The following TTYH3 variants were observed in gnomAD, a reference collection of about 807,000 sequenced individuals.
TTYH3 encodes protein tweety homolog 3.
Under a neutral mutation model 68.2 loss-of-function variants are expected in TTYH3, and 23 were observed. That is an observed-to-expected ratio of 0.34 (90% CI 0.24 to 0.48). TTYH3 has a LOEUF of 0.48. Among genes scored for constraint, TTYH3 ranks in the 20% least tolerant of loss-of-function variants. TTYH3 has a pLI of 0.99. For synonymous variants in TTYH3, 360 were observed against 332.8 expected, an observed-to-expected ratio of 1.08 and a Z score of -0.89; for missense variants, 768 against 727.7, an observed-to-expected ratio of 1.06 and a Z score of -0.64.
chr7:2,647,015 G>T lies in TTYH3; in HGVS notation c.286G>T (p.Val96Leu). 1 of 1,568,784 alleles carries T rather than the reference G, an allele frequency of 6.4e-7. No individual in the cohort carries two copies. Residue 96 changes from valine to leucine, a missense_variant, in exon 2 of 14, where the codon GTG becomes TTG. Physicochemically the swap from Val to Leu is conservative, Grantham distance 32. Coordinates refer to ENST00000258796, the MANE Select transcript of TTYH3 (RefSeq NM_025250.3). The part of the protein sequence containing the change: ...TAWCVIIATL[V>L]CSAGIAVGFY... ...CTGGTGTGTCATCATCGCCACGCTG[G>T]TGTGCAGGTGAGCGCGGTGGGGCGG...
At chr7:2,633,563 C>A (rs916849647) in intron 1 of TTYH3, among the ~76,000 whole-genome samples, 2 of 152,204 alleles carry the variant, frequency 1.3e-5, no homozygotes, top group African/African-American at 4.8e-5. Flanking sequence ...CTCACGCCTG[C>A]GTTCTAGAAG....
In TTYH3 at chr7:2,649,968, A is replaced by G; in HGVS notation, c.851A>G (p.Glu284Gly). The G allele has an allele frequency of 6.2e-7, 1 of 1,613,890 alleles. No individual in the cohort carries two copies. The highest frequency in any genetic ancestry group is 8.5e-7 in the Non-Finnish European group (1 of 1,179,948). Residue 284 changes from glutamate to glycine, a missense_variant, in exon 7 of 14, where the codon GAG becomes GGG. Glu to Gly is a moderately conservative substitution (Grantham distance 98). Coordinates refer to ENST00000258796, the MANE Select transcript of TTYH3 (RefSeq NM_025250.3). The stretch of plus-strand genomic sequence containing the variant: ...GCCTACGTGACCAAAATGGTGGAGG[A>G]GTACTCGGTGCTGAGTGGGGGTGAG... ...PDAYVTKMVE[E>G]YSVLSGDILQ...
intron 1 of TTYH3, among the ~76,000 whole-genome samples, chr7:2,642,912 A>G (rs1785886513): frequency 6.6e-6 from 1 of 151,706 alleles, no homozygotes; most frequent in Non-Finnish European, 1.5e-5. Flanking sequence ...AAAATACAAA[A>G]TTAGCCAGGC....
At chr7:2,655,632 C>T (rs980368942) in intron 9 of TTYH3, among the ~76,000 whole-genome samples, 5 of 152,260 alleles carry the variant, frequency 3.3e-5, no homozygotes, top group African/African-American at 9.6e-5. Context: ...CACACGTAAG[C>T]ACCGGTGAGC....
chr7:2,638,536 G>C (rs958482283), intron 1 of TTYH3, among the ~76,000 whole-genome samples: 1 of 152,114 alleles, frequency 6.6e-6, no homozygotes, highest in Non-Finnish European at 1.5e-5. Context: ...GGAGCCCCGG[G>C]GGGTGTGGGG....
intron 1 of TTYH3, among the ~76,000 whole-genome samples, chr7:2,636,934 A>G (rs937771398): frequency 1.1e-4 from 16 of 152,072 alleles, no homozygotes; most frequent in Non-Finnish European, 1.8e-4. Context: ...GGGGTTCTCA[A>G]GCCCCTTCCT....
chr7:2,653,098 G>A, intron 9 of TTYH3, 88 bp downstream of exon 9: 1 of 1,284,720 alleles, frequency 7.8e-7, no homozygotes, highest in South Asian at 1.3e-5. Context: ...ACAGCTCAGG[G>A]CAAATTTGGA....
chr7:2,647,682 A>G (rs1276830642), intron 4 of TTYH3, 44 bp downstream of exon 4: 2 of 1,528,632 alleles, frequency 1.3e-6, no homozygotes, highest in Non-Finnish European at 8.8e-7. Flanking sequence ...GTGGGAAAGC[A>G]TCACCCTCCT....
rs1375705960 is a variant in TTYH3, at chr7:2,656,094, C to T, written c.1023C>T (p.Asp341=). The T allele has an allele frequency of 1.3e-6, 2 of 1,547,662 alleles. No individual in the cohort carries two copies. The highest frequency in any genetic ancestry group is 3.9e-5 in the Admixed American group (2 of 51,786). Residue 341 remains aspartate (D), a splice_region_variant and synonymous_variant, in exon 10 of 14, where the codon GAC becomes GAT. Coordinates refer to ENST00000258796, the MANE Select transcript of TTYH3 (RefSeq NM_025250.3). ...CATCTGCGGTGCGTGCCCCCCAGGACCCCCTCCTCCGCGTCCAGGAGGTGC... is the reference window on the plus strand; with the variant it reads ...CATCTGCGGTGCGTGCCCCCCAGGATCCCCTCCTCCGCGTCCAGGAGGTGC... The part of the protein sequence containing the change: ...TVPWEQPATK[D]PLLRVQEVLN...
chr7:2,656,477 C>T lies in TTYH3; in HGVS notation c.1193C>T (p.Thr398Ile). 1 of 1,612,444 alleles carries T rather than the reference C, an allele frequency of 6.2e-7. No individual in the cohort carries two copies. The highest frequency in any genetic ancestry group is 8.5e-7 in the Non-Finnish European group (1 of 1,179,838). Residue 398 changes from threonine to isoleucine, a missense_variant, in exon 11 of 14, where the codon ACA (threonine) becomes ATA (isoleucine). Transcript: ENST00000258796. ...TACCTGGCCCTCTTCTCCTTCGTCACAGCCCTCATGTTCAGCTCCATCGTC... is the reference window on the plus strand; with the variant it reads ...TACCTGGCCCTCTTCTCCTTCGTCATAGCCCTCATGTTCAGCTCCATCGTC... ...LIYLALFSFVTALMFSSIVCS... is the reference protein window; with the variant it reads ...LIYLALFSFVIALMFSSIVCS...
In TTYH3 at chr7:2,658,454, G is replaced by A. The variant is rs1368926194; in HGVS notation, c.1419G>A (p.Glu473=). 6 of 1,608,424 alleles carry A rather than the reference G, an allele frequency of 3.7e-6. No homozygotes were observed. Among genetic ancestry groups the A allele is most frequent in the Non-Finnish European group, 5.1e-6 (6 of 1,176,904 alleles). The change falls in exon 12 of 14, where the codon GAG becomes GAA. Residue 473 remains glutamate, a synonymous_variant. Coordinates refer to ENST00000258796, the MANE Select transcript of TTYH3 (RefSeq NM_025250.3). ...CCGTCAGCAACGCCCCGGTCACTGA[G>A]TACATGTGAGTTGACGTGGGCCTAG... The part of the protein sequence containing the change: ...AHTVSNAPVT[E]YMSQNANFQN...
At chr7:2,659,590 A>G (rs958338987) in intron 13 of TTYH3, among the ~76,000 whole-genome samples, 3 of 152,174 alleles carry the variant, frequency 2.0e-5, no homozygotes, top group African/African-American at 4.8e-5. Flanking sequence ...CACAGGCAGG[A>G]GGGGACAGGG....
intron 1 of TTYH3, among the ~76,000 whole-genome samples, chr7:2,636,395 G>A (rs1785657772): frequency 6.6e-6 from 1 of 152,186 alleles, no homozygotes; most frequent in Non-Finnish European, 1.5e-5. Context: ...TTCAGTCCAA[G>A]AGCATAGAGC....
Position 2,649,934 on chromosome 7 carries a change from G to T in TTYH3, c.817G>T (p.Asp273Tyr). Residue 273 changes from aspartate (D) to tyrosine (Y), a missense_variant, in exon 7 of 14, where the codon GAC (aspartate) becomes TAC (tyrosine). Physicochemically the swap from Asp to Tyr is radical, Grantham distance 160 (BLOSUM62 -3). Coordinates refer to ENST00000258796, the MANE Select transcript of TTYH3 (RefSeq NM_025250.3). The stretch of plus-strand genomic sequence containing the variant: ...TCAGGGCTCCAGCGACTTCTGTGTG[G>T]ACCCTGACGCCTACGTGACCAAAAT... ...VSVGSSDFCV[D>Y]PDAYVTKMVE... 2 of 1,614,012 alleles carry T rather than the reference G, an allele frequency of 1.2e-6. No individual in the cohort carries two copies. Among genetic ancestry groups the T allele is most frequent in the South Asian group, 1.1e-5 (1 of 91,068 alleles).
intron 1 of TTYH3, among the ~76,000 whole-genome samples, chr7:2,634,554 A>G (rs1476749721): frequency 2.7e-5 from 1 of 36,628 alleles, no homozygotes; most frequent in Non-Finnish European, 5.3e-5. Context: ...CCCCGTGGTT[A>G]TGGGGGCGGG....
At chr7:2,633,444 C>G (rs1389392860) in intron 1 of TTYH3, among the ~76,000 whole-genome samples, 2 of 152,258 alleles carry the variant, frequency 1.3e-5, no homozygotes, top group South Asian at 2.1e-4. Flanking sequence ...CCCAGGCCCC[C>G]CAGCCGAGCC....
At chr7:2,638,288 G>T (rs1785734116) in intron 1 of TTYH3, among the ~76,000 whole-genome samples, 1 of 152,138 alleles carries the variant, frequency 6.6e-6, no homozygotes, top group Non-Finnish European at 1.5e-5. Flanking sequence ...GCTGGGAGAT[G>T]TGTCGGAGCA....
Position 2,645,781 on chromosome 7 carries a change from C to G in TTYH3, c.124-1072C>G, listed in dbSNP as rs1785962390. 1 of 470,934 alleles carries G rather than the reference C, an allele frequency of 2.1e-6. No homozygotes were observed. The highest frequency in any genetic ancestry group is 2.0e-5 in the African/African-American group (1 of 50,082). The allele number at this position is 470,934 out of a possible 1,614,324, so 29.2% of individuals were successfully genotyped here. A position where few individuals can be genotyped will look rare whatever the true frequency, so the allele number is the denominator to read the frequency against. On this transcript the variant is annotated intron_variant, in intron 1 of 13. Transcript: ENST00000258796. The surrounding 1 kb of genome is among the most constrained non-coding windows in gnomAD (Gnocchi z 4.8). ...CATGTTCACCCCTCAGAAACACTTT[C>G]ATGGTCAGCAAGAGGGGGTTCAGTC...
intron 13 of TTYH3, chr7:2,659,899 C>T: frequency 7.7e-7 from 1 of 1,292,120 alleles, no homozygotes; most frequent in South Asian, 1.3e-5. Flanking sequence ...CACTCTCTCT[C>T]TCTCTCTCTC....
Sources: allele counts gnomAD v4.1 joint callset (sites outside exome capture counted in the v4.1 genomes callset), GRCh38; gene constraint gnomAD v4.1.1; non-coding constraint Gnocchi (gnomAD v3.1); transcripts MANE v1.5; gene names NCBI Gene and HGNC (gene_info 2026-07-23, HGNC 2026-07-21).